The following HEXB variants were observed in gnomAD, a reference collection of about 807,000 sequenced individuals.
HEXB encodes the protein hexosaminidase subunit beta, also known as beta-hexosaminidase subunit beta.
A neutral mutation model predicts 71.2 loss-of-function variants in HEXB; 51 were observed. The observed-to-expected ratio is 0.72, with a 90% confidence interval of 0.57 to 0.90. The LOEUF (loss-of-function observed/expected upper bound fraction) is 0.90. HEXB is among the 40% of genes least tolerant of loss of function. The pLI, the probability that HEXB is intolerant of heterozygous loss-of-function variation, is 0.00. For missense variants in HEXB, 617 were observed against 677.0 expected (o/e 0.91, Z 0.98); for synonymous variants, 266 against 249.3 (o/e 1.07, Z -0.63).
intron 8 of HEXB, 122 bp downstream of exon 8, chr5:74,715,812 T>C (rs1366647296): frequency 1.4e-6 from 1 of 710,304 alleles, no homozygotes; most frequent in Non-Finnish European, 2.5e-6. Flanking sequence ...AGGTCAGGAG[T>C]TCAAGACCAG....
chr5:74,710,773 T>G (rs1749521179), intron 6 of HEXB, among the ~76,000 whole-genome samples: 4 of 151,698 alleles, frequency 2.6e-5, no homozygotes, highest in Admixed American at 1.3e-4. Flanking sequence ...CACTGCTCAA[T>G]GAAATAAAAG....
At chr5:74,689,181 A>G in intron 1 of HEXB, 147 bp from the exon 2 acceptor site, 1 of 694,342 alleles carries the variant, frequency 1.4e-6, no homozygotes, top group South Asian at 1.6e-5. Context: ...AAGTGATTCT[A>G]ATGTACAGCT....
chr5:74,651,766 A>G (rs13173835), intron 1 of HEXB, among the ~76,000 whole-genome samples: 94,331 of 152,076 alleles, frequency 0.62, 29,506 homozygotes, highest in Middle Eastern at 0.76. Context: ...GATAAGAAGT[A>G]TTAAATCACC....
At chr5:74,718,726 T>C (rs1749735455) in intron 10 of HEXB, 71 bp from the exon 11 acceptor site, 2 of 1,410,186 alleles carry the variant, frequency 1.4e-6, no homozygotes, top group African/African-American at 1.4e-5. Context: ...CTAGTAATAA[T>C]GCCTTAAACT....
chr5:74,685,133 G>GGT, upstream of HEXB: 7 of 987,426 alleles, frequency 7.1e-6, no homozygotes, highest in Non-Finnish European at 9.5e-6. Context: ...CGGAGTCGGG[G>GGT]GCGGGCGCGC....
At chr5:74,647,044 TG>T (rs1043120420) in intron 1 of HEXB, among the ~76,000 whole-genome samples, 4 of 152,180 alleles carry the variant, frequency 2.6e-5, no homozygotes, top group Admixed American at 6.5e-5. Flanking sequence ...CTGAAGAGCT[TG>T]GAGAGTGTGC....
At chr5:74,714,294 A>G (rs755396572) in intron 7 of HEXB, among the ~76,000 whole-genome samples, 2 of 152,236 alleles carry the variant, frequency 1.3e-5, no homozygotes, top group Non-Finnish European at 2.9e-5. Flanking sequence ...TATTGTGAGC[A>G]AGTCATTGTG....
At chr5:74,666,545 C>A (rs1354324497) in intron 1 of HEXB, among the ~76,000 whole-genome samples, 1 of 152,150 alleles carries the variant, frequency 6.6e-6, no homozygotes, top group Non-Finnish European at 1.5e-5. Flanking sequence ...GGGGCAGGTG[C>A]CGCTTCCCCA....
rs1375394122 is a variant in HEXB, at chr5:74,711,108, C to G, written c.772-2398C>G. On this transcript the variant is annotated intron_variant, in intron 6 of 13. Transcript: ENST00000261416. ...AGAGATATAGATCAATGGAACAGAACAGAGCCCTCAGAAATAACGCTGCAT... is the reference window on the plus strand; with the variant it reads ...AGAGATATAGATCAATGGAACAGAAGAGAGCCCTCAGAAATAACGCTGCAT... Among the ~76,000 whole-genome samples, 436 of 150,796 alleles carry G rather than the reference C, an allele frequency of 2.9e-3. 1 individual carries two copies. Among genetic ancestry groups the G allele is most frequent in the Middle Eastern group, 0.021 (6 of 292 alleles).
At chr5:74,682,622 A>C (rs1391517752), upstream of HEXB, among the ~76,000 whole-genome samples, 1 of 152,256 alleles carries the variant, frequency 6.6e-6, no homozygotes, top group Non-Finnish European at 1.5e-5. Flanking sequence ...TTAAGTATAT[A>C]GTAATTGCAA....
At chr5:74,697,171 T>C (rs1749132385) in intron 5 of HEXB, 65 bp downstream of exon 5, 1 of 827,592 alleles carries the variant, frequency 1.2e-6, no homozygotes, top group South Asian at 1.4e-5. Flanking sequence ...GTTGTAACTT[T>C]ATGTTGGTTA....
intron 1 of HEXB, among the ~76,000 whole-genome samples, chr5:74,667,564 G>A (rs1316293961): frequency 6.6e-6 from 1 of 152,206 alleles, no homozygotes; most frequent in Non-Finnish European, 1.5e-5. Context: ...CAGTTTTCAA[G>A]TTCAGTCAGG....
chr5:74,648,780 A>G (rs950719290), intron 1 of HEXB, among the ~76,000 whole-genome samples: 4 of 152,316 alleles, frequency 2.6e-5, no homozygotes, highest in South Asian at 2.1e-4. Context: ...ACAACTTTCC[A>G]CATCCCAATT....
rs182149173 is a variant in HEXB, at chr5:74,653,008, T to A, written c.-377+12450T>A. On this transcript the variant is annotated intron_variant, in intron 1 of 13. Transcript: ENST00000511181. ...ATATAACTTCAAAAAACTTTAACATTTCTTAACTGTAATGTAAAGGAGGAC... is the reference window on the plus strand; with the variant it reads ...ATATAACTTCAAAAAACTTTAACATATCTTAACTGTAATGTAAAGGAGGAC... Among the ~76,000 whole-genome samples the A allele has an allele frequency of 2.0e-4, 30 of 152,338 alleles. No individual in the cohort carries two copies. The East Asian group carries it at 5.6e-3, about 28-fold the overall frequency.
chr5:74,720,858 C>T, intron 13 of HEXB, 111 bp downstream of exon 13: 1 of 924,362 alleles, frequency 1.1e-6, no homozygotes, highest in South Asian at 1.4e-5. Flanking sequence ...TAGAAGAAAC[C>T]AGGAATTATT....
chr5:74,661,549 GTGTGTGTGTGTGTGTCTCTCTC>G (rs1158329343), intron 1 of HEXB, among the ~76,000 whole-genome samples: 1 of 79,554 alleles, frequency 1.3e-5, no homozygotes, highest in African/African-American at 8.4e-5. Flanking sequence ...GTGTGTGTGT[GTGTGTGTGTGTGTGTCTCTCTC>G]TCTCTCTCTC....
intron 9 of HEXB, among the ~76,000 whole-genome samples, 156 bp from the exon 10 acceptor site, chr5:74,718,135 T>G (rs1749721102): frequency 6.6e-6 from 1 of 152,220 alleles, no homozygotes; most frequent in Non-Finnish European, 1.5e-5. Context: ...GAACTACTTG[T>G]GACACTTCCC....
At chr5:74,657,143 G>A (rs1748234778) in intron 1 of HEXB, among the ~76,000 whole-genome samples, 1 of 152,040 alleles carries the variant, frequency 6.6e-6, no homozygotes, top group African/African-American at 2.4e-5. Context: ...GGTGGGGAGG[G>A]GTCGTGTGTG....
At chr5:74,687,040 C>T (rs1456615023) in intron 1 of HEXB, among the ~76,000 whole-genome samples, 1 of 152,106 alleles carries the variant, frequency 6.6e-6, no homozygotes, top group Non-Finnish European at 1.5e-5. Context: ...TGAGATGGTT[C>T]GAAGGCAAGG....
Sources: allele counts gnomAD v4.1 joint callset (sites outside exome capture counted in the v4.1 genomes callset), GRCh38; gene constraint gnomAD v4.1.1; transcripts MANE v1.5; gene names NCBI Gene and HGNC (gene_info 2026-07-23, HGNC 2026-07-21).